The following RABGAP1L variants were observed in gnomAD, a reference collection of about 807,000 sequenced individuals.
RABGAP1L encodes the protein rab GTPase-activating protein 1-like.
A neutral mutation model predicts 137.7 loss-of-function variants in RABGAP1L; 63 were observed. The ratio of observed to expected loss-of-function variants is 0.46; its 90% CI spans 0.37 to 0.56. The LOEUF (loss-of-function observed/expected upper bound fraction) is 0.56, where lower values mean the gene tolerates loss of function less well. RABGAP1L is among the 20% of genes least tolerant of loss of function. RABGAP1L has a pLI of 0.00. For missense variants in RABGAP1L, 1,095 were observed against 1,244.0 expected (o/e 0.88, Z 1.80); for synonymous variants, 431 against 433.7 (o/e 0.99, Z 0.08).
intron 19 of RABGAP1L, among the ~76,000 whole-genome samples, chr1:174,915,325 A>G (rs1048380982): frequency 2.6e-5 from 4 of 152,318 alleles, no homozygotes; most frequent in South Asian, 2.1e-4. Context: ...CATATCCTCA[A>G]CAACACTTGA....
chr1:174,810,029 G>T lies in RABGAP1L; in HGVS notation c.2212-1803G>T, dbSNP rs75188623. 4.7e-3 allele frequency among the ~76,000 whole-genome samples: 713 copies of T among 152,288 alleles called. 6 individuals are homozygous for T. The highest frequency in any genetic ancestry group is 0.014 in the African/African-American group (590 of 41,564). ...AGTTTTTTGTTTTTTCATTACCACT[G>T]TTAGCCTAGCTCCATTTTTTGATTA... is the stretch of plus-strand genomic sequence containing the variant. On this transcript the variant is annotated intron_variant, in intron 18 of 25. Transcript: ENST00000681986.
At chr1:174,229,815 A>G (rs1292986470) in intron 3 of RABGAP1L, among the ~76,000 whole-genome samples, 1 of 152,128 alleles carries the variant, frequency 6.6e-6, no homozygotes, top group East Asian at 1.9e-4. Context: ...TGGTATTTCT[A>G]GTTCTAGATC....
chr1:174,438,744 G>GTGTGTATA (rs1161311071), intron 13 of RABGAP1L, among the ~76,000 whole-genome samples: 1 of 95,456 alleles, frequency 1.0e-5, no homozygotes, highest in South Asian at 3.8e-4. Context: ...GTGTGTGTGT[G>GTGTGTATA]TATATATATA....
intron 11 of RABGAP1L, among the ~76,000 whole-genome samples, chr1:174,350,714 C>T (rs1306833467): frequency 4.6e-5 from 2 of 43,822 alleles, no homozygotes; most frequent in Non-Finnish European, 8.6e-5. Context: ...GCTGCAATCT[C>T]GGCACTTTGG....
Position 174,830,114 on chromosome 1 carries a change from A to G in RABGAP1L, c.2340+18154A>G, listed in dbSNP as rs184337766. On this transcript the variant is annotated intron_variant, in intron 19 of 25. Transcript: ENST00000681986. ...CTTACTCATGCTCAGCATCTTCACA[A>G]TACTGTGATCCATGTTCTCAAGAAG... 4.0e-5 allele frequency among the ~76,000 whole-genome samples: 6 copies of G among 148,164 alleles called. 2 individuals are homozygous for G. Among genetic ancestry groups the G allele is most frequent in the East Asian group, 4.2e-4 (2 of 4,734 alleles).
intron 13 of RABGAP1L, among the ~76,000 whole-genome samples, chr1:174,538,946 T>C (rs1343029977): frequency 6.6e-6 from 1 of 152,160 alleles, no homozygotes; most frequent in African/African-American, 2.4e-5. Context: ...AAAAACATAT[T>C]AGTGTAGTGT....
chr1:174,514,650 C>T (rs1225759273), intron 13 of RABGAP1L, among the ~76,000 whole-genome samples: 1 of 152,126 alleles, frequency 6.6e-6, no homozygotes, highest in Admixed American at 6.6e-5. Context: ...CAAATGTTTG[C>T]TTTTGCTTGT....
intron 19 of RABGAP1L, among the ~76,000 whole-genome samples, chr1:174,916,534 GT>G (rs35646799): frequency 6.6e-6 from 1 of 152,282 alleles, no homozygotes; most frequent in Non-Finnish European, 1.5e-5. Context: ...CAAATATGAA[GT>G]TTTTTTGTAT....
chr1:174,612,580 T>A (rs1348101391), intron 13 of RABGAP1L, among the ~76,000 whole-genome samples: 16 of 152,262 alleles, frequency 1.1e-4, no homozygotes, highest in Admixed American at 3.9e-4. Flanking sequence ...TAAAATGAGT[T>A]AGGGAGGATT....
At chr1:174,801,884 G>A (rs188298466) in intron 18 of RABGAP1L, among the ~76,000 whole-genome samples, 3 of 152,174 alleles carry the variant, frequency 2.0e-5, no homozygotes, top group Non-Finnish European at 4.4e-5. Context: ...CTACATCTCT[G>A]AGGAATCAGG....
At chr1:174,586,812 T>C (rs908608375) in intron 13 of RABGAP1L, among the ~76,000 whole-genome samples, 2 of 152,114 alleles carry the variant, frequency 1.3e-5, no homozygotes, top group African/African-American at 4.8e-5. Flanking sequence ...GTCAGTCTGA[T>C]CTCGAACTCT....
chr1:174,333,952 T>C (rs1681256779), intron 11 of RABGAP1L, among the ~76,000 whole-genome samples: 1 of 152,100 alleles, frequency 6.6e-6, no homozygotes, highest in Admixed American at 6.6e-5. Flanking sequence ...AACATGGAGA[T>C]CTGAGGAATT....
At chr1:174,712,825 A>G (rs917286451) in intron 17 of RABGAP1L, among the ~76,000 whole-genome samples, 3 of 152,054 alleles carry the variant, frequency 2.0e-5, no homozygotes, top group Admixed American at 6.5e-5. Context: ...GCGTCATTCC[A>G]TCAGTCAGTG....
At chr1:174,536,996 C>T (rs1014385140) in intron 13 of RABGAP1L, among the ~76,000 whole-genome samples, 6 of 152,142 alleles carry the variant, frequency 3.9e-5, no homozygotes, top group Non-Finnish European at 7.4e-5. Context: ...TAGATACTGA[C>T]AATTTTTCTT....
At chr1:174,444,157 G>C (rs2149239169) in intron 13 of RABGAP1L, among the ~76,000 whole-genome samples, 1 of 151,610 alleles carries the variant, frequency 6.6e-6, no homozygotes, top group South Asian at 2.1e-4. Context: ...TAGCTATTCA[G>C]GGTCTTTTGT....
intron 13 of RABGAP1L, among the ~76,000 whole-genome samples, chr1:174,440,991 G>A (rs145385074): frequency 2.4e-4 from 36 of 151,918 alleles, no homozygotes; most frequent in Non-Finnish European, 5.0e-4. Context: ...CTATTGAGGA[G>A]TAGTTTGAAT....
At chr1:174,782,984 A>T (rs1166103587) in intron 18 of RABGAP1L, among the ~76,000 whole-genome samples, 1 of 151,578 alleles carries the variant, frequency 6.6e-6, no homozygotes, top group East Asian at 1.9e-4. Context: ...ATTGTATGGG[A>T]GCTCTGTTTT....
chr1:174,530,728 C>A (rs1664316482), intron 13 of RABGAP1L, among the ~76,000 whole-genome samples: 1 of 152,076 alleles, frequency 6.6e-6, no homozygotes, highest in South Asian at 2.1e-4. Flanking sequence ...TATGGTTATT[C>A]ACTCACTATT....
chr1:174,385,836 G>A (rs1486852181), intron 12 of RABGAP1L, among the ~76,000 whole-genome samples: 5 of 152,214 alleles, frequency 3.3e-5, no homozygotes, highest in Non-Finnish European at 7.3e-5. Flanking sequence ...CAATGGAGAG[G>A]CAGGAATGAA....
Sources: allele counts gnomAD v4.1 joint callset (sites outside exome capture counted in the v4.1 genomes callset), GRCh38; gene constraint gnomAD v4.1.1; transcripts MANE v1.5; gene names NCBI Gene and HGNC (gene_info 2026-07-23, HGNC 2026-07-21).